The following MBTPS1 variants were observed in gnomAD, a reference collection of about 807,000 sequenced individuals.
MBTPS1 encodes the protein membrane bound transcription factor peptidase, site 1.
MBTPS1 carries 94 observed loss-of-function variants against 127.8 expected under a neutral mutation model. The ratio of observed to expected loss-of-function variants is 0.74; its 90% CI spans 0.62 to 0.87. MBTPS1 has a LOEUF of 0.87. Ranked by LOEUF, MBTPS1 falls within the 40% of genes least tolerant of loss-of-function variation. MBTPS1 has a pLI of 0.00. For synonymous variants in MBTPS1, 632 were observed against 509.4 expected, an observed-to-expected ratio of 1.24 and a Z score of -3.24; for missense variants, 1,636 against 1,353.2, an observed-to-expected ratio of 1.21 and a Z score of -3.28.
At chr16:84,075,648 A>C (rs537416818) in intron 11 of MBTPS1, 15 of 152,382 alleles carry the variant, frequency 9.8e-5, no homozygotes, top group Non-Finnish European at 1.9e-4. Context: ...AGCCTTTCTC[A>C]AACAGCAACT....
chr16:84,066,995 A>C (rs934454737), intron 16 of MBTPS1, among the ~76,000 whole-genome samples: 1 of 152,226 alleles, frequency 6.6e-6, no homozygotes, highest in African/African-American at 2.4e-5. Flanking sequence ...TTTATAATAC[A>C]TTGGGAGTCC....
chr16:84,099,579 T>C (rs529946589), intron 2 of MBTPS1, among the ~76,000 whole-genome samples: 13 of 150,566 alleles, frequency 8.6e-5, no homozygotes, highest in Non-Finnish European at 1.9e-4. Context: ...AGGTGAGGAG[T>C]TTGAGACCAG....
chr16:84,054,673 C>T (rs371295593), intron 22 of MBTPS1, 28 bp from the exon 23 acceptor site: 2 of 1,528,174 alleles, frequency 1.3e-6, no homozygotes, highest in Non-Finnish European at 1.8e-6. Context: ...GTTGAACAGG[C>T]AGGAACGCCA....
At chr16:84,103,039 C>A (rs1006198539) in intron 1 of MBTPS1, among the ~76,000 whole-genome samples, 1 of 152,076 alleles carries the variant, frequency 6.6e-6, no homozygotes, top group African/African-American at 2.4e-5. Flanking sequence ...ATTAAGCATG[C>A]GCACAGATAT....
intron 22 of MBTPS1, among the ~76,000 whole-genome samples, chr16:84,054,908 C>T (rs1005503649): frequency 1.3e-5 from 2 of 152,122 alleles, no homozygotes; most frequent in South Asian, 2.1e-4. Flanking sequence ...TCCCCGCAGA[C>T]GGATGATCAG....
At chr16:84,115,549 TAAAAG>T (rs1483398499) in intron 1 of MBTPS1, among the ~76,000 whole-genome samples, 1 of 152,208 alleles carries the variant, frequency 6.6e-6, no homozygotes, top group African/African-American at 2.4e-5. Flanking sequence ...TATTTGGTCA[TAAAAG>T]GAATGAAATC....
chr16:84,089,683 G>A (rs1244445974), intron 8 of MBTPS1, among the ~76,000 whole-genome samples: 5 of 152,182 alleles, frequency 3.3e-5, no homozygotes, highest in South Asian at 2.1e-4. Context: ...GAGAAGTGAC[G>A]GTGCCTCAGC....
chr16:84,097,294 G>T (rs993548644), intron 3 of MBTPS1, among the ~76,000 whole-genome samples: 1 of 152,110 alleles, frequency 6.6e-6, no homozygotes. Context: ...ACAACATCTT[G>T]AACACTCTAC....
In MBTPS1 at chr16:84,081,765, C is replaced by T; in HGVS notation, c.1430G>A (p.Ser477Asn). The T allele has an allele frequency of 2.1e-6, 3 of 1,433,594 alleles. No individual in the cohort carries two copies. The highest frequency in any genetic ancestry group is 2.8e-6 in the Non-Finnish European group (3 of 1,084,522). The allele number at this position is 1,433,594 out of a possible 1,614,324, so 88.8% of individuals were successfully genotyped here. Residue 477 changes from serine to asparagine, a missense_variant, in exon 11 of 23, where the codon AGC (serine) becomes AAC (asparagine). Physicochemically the swap from Ser to Asn is conservative, Grantham distance 46. Coordinates refer to ENST00000343411, the MANE Select transcript of MBTPS1 (RefSeq NM_003791.4). ...DLLRAYQILN[S>N]YKPQASLSPS... ...CACTGACCTTGCCTGTGGCTTGTAG[C>T]TGTTGAGGATCTGATAGGCTCTGAG...
chr16:84,067,715 T>G lies in MBTPS1; in HGVS notation c.2180A>C (p.Tyr727Ser). ...CACTTTTCTCATAACAGAAGTGTTG[T>G]ACCAGTCACTGAAGATGACGAGCGA... ...GLSLVIFSDW[Y>S]NTSVMRKVKF... Residue 727 changes from tyrosine (Y) to serine (S), a missense_variant, in exon 16 of 23, where the codon TAC (tyrosine) becomes TCC (serine). Coordinates refer to ENST00000343411, the MANE Select transcript of MBTPS1 (RefSeq NM_003791.4). 2 of 1,614,134 alleles carry G rather than the reference T, an allele frequency of 1.2e-6. No homozygotes were observed. The highest frequency in any genetic ancestry group is 1.7e-6 in the Non-Finnish European group (2 of 1,179,936).
chr16:84,055,184 C>G (rs920770351), intron 22 of MBTPS1, among the ~76,000 whole-genome samples: 1 of 152,182 alleles, frequency 6.6e-6, no homozygotes, highest in Non-Finnish European at 1.5e-5. Context: ...AATGTCAATA[C>G]GACTGGGCAA....
At chr16:84,061,366 C>G (rs980787923) in intron 19 of MBTPS1, 1 of 152,908 alleles carries the variant, frequency 6.5e-6, no homozygotes, top group African/African-American at 2.4e-5. Context: ...GCACCACTGT[C>G]CACCAGGTTG....
At chr16:84,072,683 G>C (rs1394332760) in intron 12 of MBTPS1, among the ~76,000 whole-genome samples, 5 of 152,130 alleles carry the variant, frequency 3.3e-5, no homozygotes, top group Middle Eastern at 3.2e-3. Flanking sequence ...CCAGCTACTC[G>C]GGAGGCTGAG....
chr16:84,077,893 C>T (rs1481821195), intron 11 of MBTPS1, among the ~76,000 whole-genome samples: 8 of 151,696 alleles, frequency 5.3e-5, no homozygotes, highest in African/African-American at 1.9e-4. Context: ...GACCAAAAAC[C>T]CCATTGAAAA....
chr16:84,060,382 G>T, intron 20 of MBTPS1: 2 of 269,898 alleles, frequency 7.4e-6, no homozygotes, highest in South Asian at 8.3e-5. Flanking sequence ...ATCTGTAGGA[G>T]CCACTGTCCT....
rs778412911 is a variant in MBTPS1 at position 84,091,788 on chromosome 16, C to A, written c.907G>T (p.Val303Leu). The A allele has an allele frequency of 3.1e-6, 5 of 1,614,138 alleles. No individual in the cohort carries two copies. The highest frequency in any genetic ancestry group is 1.1e-5 in the South Asian group (1 of 91,080). ...GGGCCGCCGATGCTGAGGTTTAACA[C>A]GTCGATCTTCTTTAAAATGGCATAG... Reference protein sequence around the residue: ...FNYAILKKIDVLNLSIGGPDF... With the variant: ...FNYAILKKIDLLNLSIGGPDF... Residue 303 changes from valine (V) to leucine (L), a missense_variant, in exon 7 of 23, where the codon GTG (valine) becomes TTG (leucine). Val to Leu is a conservative substitution (Grantham distance 32). Coordinates refer to ENST00000343411, the MANE Select transcript of MBTPS1 (RefSeq NM_003791.4).
At position 84,054,247 on chromosome 16, in the gene MBTPS1, C is replaced by G. The variant is rs1399071489; in HGVS notation, c.*202G>C. 1 of 425,348 alleles carries G rather than the reference C, an allele frequency of 2.4e-6. No individual in the cohort carries two copies. The highest frequency in any genetic ancestry group is 4.1e-6 in the Non-Finnish European group (1 of 241,632). 26.3% of individuals were successfully genotyped at this position (425,348 alleles called of 1,614,324 possible). A position where few individuals can be genotyped will look rare whatever the true frequency, so the allele number is the denominator to read the frequency against. The stretch of plus-strand genomic sequence containing the variant: ...TGGCGGCAGAGCCACTAAGTCCCTC[C>G]TGACGGGATCCACAGGAATCTTCTC... On this transcript the variant is annotated 3_prime_UTR_variant, in exon 23 of 23. Coordinates refer to ENST00000343411, the MANE Select transcript of MBTPS1 (RefSeq NM_003791.4).
intron 3 of MBTPS1, among the ~76,000 whole-genome samples, chr16:84,097,645 T>C (rs956343988): frequency 1.3e-5 from 2 of 152,204 alleles, no homozygotes; most frequent in Non-Finnish European, 2.9e-5. Flanking sequence ...TAAAGTCAAC[T>C]AAAATACCGC....
At chr16:84,060,614 T>C in intron 20 of MBTPS1, 68 bp downstream of exon 20, 1 of 1,556,444 alleles carries the variant, frequency 6.4e-7, no homozygotes. Flanking sequence ...GCACAGCCAC[T>C]GGCTGAAGTA....
Sources: allele counts gnomAD v4.1 joint callset (sites outside exome capture counted in the v4.1 genomes callset), GRCh38; gene constraint gnomAD v4.1.1; transcripts MANE v1.5; gene names NCBI Gene and HGNC (gene_info 2026-07-23, HGNC 2026-07-21).